EEF1AKMT2: variants seen among roughly 807,000 people sequenced by gnomAD.
EEF1AKMT2 encodes the protein EEF1A lysine methyltransferase 2, also known as eukaryotic translation elongation factor 1 alpha lysine methyltransferase 2.
EEF1AKMT2 carries 32 observed loss-of-function variants against 35.8 expected under a neutral mutation model. The ratio of observed to expected loss-of-function variants is 0.89; its 90% CI spans 0.67 to 1.20. EEF1AKMT2 has a LOEUF of 1.20. Among genes scored for constraint, EEF1AKMT2 ranks in the 50% most tolerant of loss-of-function variants. The pLI, the probability that EEF1AKMT2 is intolerant of heterozygous loss-of-function variation, is 0.00. For missense variants in EEF1AKMT2, 330 were observed against 347.5 expected (o/e 0.95, Z 0.40); for synonymous variants, 121 against 133.7 (o/e 0.91, Z 0.65).
At chr10:124,776,912 A>T (rs1012139256) in intron 3 of EEF1AKMT2, among the ~76,000 whole-genome samples, 6 of 152,266 alleles carry the variant, frequency 3.9e-5, no homozygotes, top group Middle Eastern at 3.4e-3. Flanking sequence ...AGCAAAGAAC[A>T]GTCAGAAGAA....
At chr10:124,786,895 A>G (rs1185400964) in intron 3 of EEF1AKMT2, among the ~76,000 whole-genome samples, 1 of 152,198 alleles carries the variant, frequency 6.6e-6, no homozygotes, top group Non-Finnish European at 1.5e-5. Flanking sequence ...CCAGTAAACT[A>G]TTAAAACCCA....
chr10:124,789,315 C>CTAATAG (rs1950614462), intron 2 of EEF1AKMT2, among the ~76,000 whole-genome samples, 158 bp from the exon 3 acceptor site: 1 of 152,110 alleles, frequency 6.6e-6, no homozygotes, highest in Non-Finnish European at 1.5e-5. Flanking sequence ...TAGGAGAAAC[C>CTAATAG]ACCTCCAGGA....
chr10:124,789,555 C>T (rs943713178), intron 2 of EEF1AKMT2, among the ~76,000 whole-genome samples: 2 of 151,970 alleles, frequency 1.3e-5, no homozygotes, highest in African/African-American at 2.4e-5. Context: ...GCCAGGAGTT[C>T]GAGACCACCC....
chr10:124,776,377 AAC>A (rs1950487320), intron 3 of EEF1AKMT2, among the ~76,000 whole-genome samples: 1 of 152,212 alleles, frequency 6.6e-6, no homozygotes, highest in African/African-American at 2.4e-5. Context: ...TGACTTTAGA[AAC>A]AGACCCGACA....
chr10:124,763,246 G>C (rs527330651), intron 5 of EEF1AKMT2, among the ~76,000 whole-genome samples: 43 of 152,182 alleles, frequency 2.8e-4, no homozygotes, highest in Non-Finnish European at 5.6e-4. Context: ...TTAGAACATG[G>C]GCAACTGGTT....
At chr10:124,781,895 G>A (rs1016688139) in intron 3 of EEF1AKMT2, among the ~76,000 whole-genome samples, 3 of 151,866 alleles carry the variant, frequency 2.0e-5, no homozygotes, top group African/African-American at 7.3e-5. Flanking sequence ...TCAACATAAA[G>A]GTAATAGTAA....
chr10:124,788,942 TA>T, intron 3 of EEF1AKMT2, 100 bp downstream of exon 3: 1 of 752,932 alleles, frequency 1.3e-6, no homozygotes, highest in Non-Finnish European at 2.2e-6. Context: ...ATGACTGCTT[TA>T]CTATTTTATA....
rs1169354201 is a variant in EEF1AKMT2, at chr10:124,759,490, G to A, written c.*1013C>T. 6.6e-6 allele frequency: 1 copy of A among 152,180 alleles called. No individual in the cohort carries two copies. Among genetic ancestry groups the A allele is most frequent in the Non-Finnish European group, 1.5e-5 (1 of 68,032 alleles). The allele number at this position is 152,180 out of a possible 1,614,324, so 9.4% of individuals were successfully genotyped here. A position where few individuals can be genotyped will look rare whatever the true frequency, so the allele number is the denominator to read the frequency against. The stretch of plus-strand genomic sequence containing the variant: ...ACTGAACTTTATATGTAATCATCAT[G>A]GGTCTCCAGCTGTACTGTAAATGCT... On this transcript the variant is annotated 3_prime_UTR_variant, in exon 7 of 7. Coordinates refer to ENST00000368836, the MANE Select transcript of EEF1AKMT2 (RefSeq NM_212554.4).
At chr10:124,767,160 TAAAA>T (rs903606562) in intron 4 of EEF1AKMT2, among the ~76,000 whole-genome samples, 1 of 104,196 alleles carries the variant, frequency 9.6e-6, no homozygotes, top group African/African-American at 4.3e-5. Context: ...GACTCCATCT[TAAAA>T]AAAAAAAAAA....
chr10:124,790,673 T>TG (rs1323352117), intron 1 of EEF1AKMT2, among the ~76,000 whole-genome samples: 7 of 152,356 alleles, frequency 4.6e-5, no homozygotes, highest in East Asian at 1.9e-4. Context: ...CAAGCACATC[T>TG]GGTCTCAAGT....
At chr10:124,788,710 T>TTATATATATATATATATCTATATATATA (rs1950608977) in intron 3 of EEF1AKMT2, among the ~76,000 whole-genome samples, 1 of 92,506 alleles carries the variant, frequency 1.1e-5, no homozygotes, top group Non-Finnish European at 2.4e-5. Flanking sequence ...AAGGTCATCT[T>TTATATATATATATATATCTATATATATA]TATATATATA....
chr10:124,767,561 T>C (rs1014730531), intron 4 of EEF1AKMT2, among the ~76,000 whole-genome samples: 7 of 150,502 alleles, frequency 4.7e-5, no homozygotes, highest in Non-Finnish European at 8.9e-5. Flanking sequence ...ATATACCTTA[T>C]ATTCTACAAA....
chr10:124,772,133 G>C (rs1010022728), intron 4 of EEF1AKMT2, among the ~76,000 whole-genome samples: 13 of 152,140 alleles, frequency 8.5e-5, no homozygotes, highest in African/African-American at 3.1e-4. Context: ...ATGGGCATTG[G>C]CTTCAACTTA....
At chr10:124,774,311 AAGCCGAGAT>A (rs1950466785) in intron 4 of EEF1AKMT2, among the ~76,000 whole-genome samples, 1 of 135,424 alleles carries the variant, frequency 7.4e-6, no homozygotes, top group Non-Finnish European at 1.5e-5. Flanking sequence ...AGCTTGCAGT[AAGCCGAGAT>A]GGCGCCACCG....
At chr10:124,761,905 G>C (rs1454659733) in intron 6 of EEF1AKMT2, among the ~76,000 whole-genome samples, 1 of 152,176 alleles carries the variant, frequency 6.6e-6, no homozygotes, top group Non-Finnish European at 1.5e-5. Context: ...CTGGGCAACA[G>C]AGCCAGACTC....
rs1292590643 is a variant in EEF1AKMT2 at position 124,776,803 on chromosome 10, AT to A, written c.292-2022del. ...GAACAAGACTCTTGTCTCAAAAAAA[AT>A]AAAATAAAAAATAACATAATTGAAA... On this transcript the variant is annotated intron_variant, in intron 3 of 6. Transcript: ENST00000368836. Among the ~76,000 whole-genome samples the A allele has an allele frequency of 6.6e-5, 10 of 152,106 alleles. No homozygotes were observed. In the East Asian group the frequency reaches 1.2e-3, roughly 18 times the overall value.
At position 124,762,400 on chromosome 10, in the gene EEF1AKMT2, C is replaced by T. The variant is rs1336699388; in HGVS notation, c.775G>A (p.Val259Ile). The T allele has an allele frequency of 7.7e-7, 1 of 1,294,720 alleles. No individual in the cohort carries two copies. The highest frequency in any genetic ancestry group is 2.3e-5 in the Admixed American group (1 of 43,318). 80.2% of individuals were successfully genotyped at this position (1,294,720 alleles called of 1,614,324 possible). ...VFLAETRFCH[V>I]VQAGLELLGS... ...AGGAGTTCCAGACCAGCCTGGACAA[C>T]ATGGCAAAACCTCGTCTCTGCTAAA... The change falls in exon 6 of 7, where the codon GTT becomes ATT. Residue 259 changes from valine (V) to isoleucine (I), a missense_variant. Val to Ile is a conservative substitution (Grantham distance 29). Coordinates refer to ENST00000368836, the MANE Select transcript of EEF1AKMT2 (RefSeq NM_212554.4).
chr10:124,762,633 C>A, intron 5 of EEF1AKMT2, 75 bp from the exon 6 acceptor site: 1 of 769,124 alleles, frequency 1.3e-6, no homozygotes, highest in Non-Finnish European at 1.6e-6. Context: ...ATTGGTCTAT[C>A]ATACTATTTC....
chr10:124,772,831 G>C (rs1950450170), intron 4 of EEF1AKMT2, among the ~76,000 whole-genome samples: 1 of 152,210 alleles, frequency 6.6e-6, no homozygotes, highest in Admixed American at 6.5e-5. Context: ...ATTGAAAAGA[G>C]TCAAGGCCTT....
Sources: gnomAD v4.1 joint callset for allele counts (sites outside exome capture counted in the v4.1 genomes callset) on GRCh38, gnomAD v4.1.1 for gene constraint, MANE v1.5 for transcripts, NCBI Gene and HGNC (gene_info 2026-07-23, HGNC 2026-07-21) for gene names.